Variants in HMCN1 observed in about 807,000 individuals in gnomAD.
HMCN1 encodes the protein hemicentin-1.
A neutral mutation model predicts 625.9 loss-of-function variants in HMCN1; 321 were observed. That is an observed-to-expected ratio of 0.51 (90% CI 0.47 to 0.56). The LOEUF (loss-of-function observed/expected upper bound fraction) is 0.56, where lower values mean the gene tolerates loss of function less well. Among genes scored for constraint, HMCN1 ranks in the 20% least tolerant of loss-of-function variants. The pLI is 0.00. For synonymous variants in HMCN1, 2,425 were observed against 2,417.6 expected (o/e 1.00, Z -0.09); for missense variants, 6,588 against 6,887.3 (o/e 0.96, Z 1.54).
intron 4 of HMCN1, among the ~76,000 whole-genome samples, chr1:185,877,553 C>T (rs1222001587): frequency 6.6e-6 from 1 of 151,370 alleles, no homozygotes; most frequent in African/African-American, 2.4e-5. Context: ...TTGCTCTGGG[C>T]ATTATGGGCA....
chr1:185,987,072 T>A (rs1652046846), intron 19 of HMCN1, among the ~76,000 whole-genome samples: 1 of 151,632 alleles, frequency 6.6e-6, no homozygotes, highest in Non-Finnish European at 1.5e-5. Flanking sequence ...TAAAGGACAG[T>A]GATTGGAGAC....
At chr1:185,761,440 T>C (rs923613972) in intron 1 of HMCN1, among the ~76,000 whole-genome samples, 1 of 152,172 alleles carries the variant, frequency 6.6e-6, no homozygotes, top group African/African-American at 2.4e-5. Context: ...TTTGTATGTG[T>C]CTACAGTCAA....
At chr1:185,955,952 A>C (rs966712638) in intron 11 of HMCN1, among the ~76,000 whole-genome samples, 19 of 152,072 alleles carry the variant, frequency 1.2e-4, no homozygotes, top group Non-Finnish European at 2.5e-4. Context: ...CCCTATCTAA[A>C]TTCTACCTAT....
intron 70 of HMCN1, 135 bp from the exon 71 acceptor site, chr1:186,108,326 T>C: frequency 7.2e-7 from 1 of 1,390,056 alleles, no homozygotes; most frequent in Non-Finnish European, 9.9e-7. Flanking sequence ...CCACTGTTTG[T>C]AATTATCTAG....
chr1:185,807,122 G>A (rs1659223916), intron 1 of HMCN1, among the ~76,000 whole-genome samples: 1 of 152,114 alleles, frequency 6.6e-6, no homozygotes, highest in African/African-American at 2.4e-5. Flanking sequence ...GCAGTTTTCT[G>A]TTAAATAAAT....
chr1:185,774,175 T>C (rs1656439286), intron 1 of HMCN1, among the ~76,000 whole-genome samples: 1 of 152,154 alleles, frequency 6.6e-6, no homozygotes, highest in Admixed American at 6.6e-5. Flanking sequence ...TTTGTTTTTT[T>C]AAAGCTTGGG....
intron 102 of HMCN1, among the ~76,000 whole-genome samples, chr1:186,174,277 T>C (rs1293601018): frequency 6.6e-6 from 1 of 152,084 alleles, no homozygotes; most frequent in Non-Finnish European, 1.5e-5. Flanking sequence ...AAAAAAGAAA[T>C]CTGTGAATAA....
At chr1:185,808,113 A>C (rs1571382805) in intron 1 of HMCN1, among the ~76,000 whole-genome samples, 1 of 152,164 alleles carries the variant, frequency 6.6e-6, no homozygotes, top group East Asian at 1.9e-4. Context: ...TGGGAGGCGA[A>C]GGTGGGTGTA....
chr1:185,966,767 G>A (rs1459128168), intron 14 of HMCN1, among the ~76,000 whole-genome samples: 2 of 152,140 alleles, frequency 1.3e-5, no homozygotes, highest in African/African-American at 4.8e-5. Context: ...CATTTCCATA[G>A]CAACAGGTTG....
chr1:186,178,746 C>G lies in HMCN1; in HGVS notation c.16274C>G (p.Ala5425Gly). The change falls in exon 104 of 107, where the codon GCA (alanine) becomes GGA (glycine). Residue 5425 changes from alanine to glycine, a missense_variant. This residue lies in a region of HMCN1 where 1,954 missense variants were observed against 2,013.1 expected (regional missense o/e 0.97). Transcript: ENST00000271588. ...AAAACTTGCCCTGAAGGCTCTGAGG[C>G]AAGCCATGACACATGTGTAGGTAAA... ...IRKTCPEGSE[A>G]SHDTCVDIDE... 6.2e-7 allele frequency: 1 copy of G among 1,609,730 alleles called. No individual in the cohort carries two copies. The highest frequency in any genetic ancestry group is 8.5e-7 in the Non-Finnish European group (1 of 1,176,006).
At chr1:185,953,583 G>A (rs1255927905) in intron 11 of HMCN1, among the ~76,000 whole-genome samples, 2 of 151,854 alleles carry the variant, frequency 1.3e-5, no homozygotes, top group Non-Finnish European at 2.9e-5. Context: ...AGGATAGGGA[G>A]GTTGGAGAAG....
chr1:186,175,056 G>C (rs1397508008), intron 103 of HMCN1, among the ~76,000 whole-genome samples: 1 of 151,892 alleles, frequency 6.6e-6, no homozygotes, highest in Non-Finnish European at 1.5e-5. Flanking sequence ...ATTAAAATAG[G>C]GACACACAAT....
chr1:186,050,939 G>A (rs984364063), intron 42 of HMCN1, among the ~76,000 whole-genome samples: 1 of 152,004 alleles, frequency 6.6e-6, no homozygotes, highest in Non-Finnish European at 1.5e-5. Context: ...TATCATAGGT[G>A]GTTATGTAGA....
chr1:185,765,727 G>T (rs1308690150), intron 1 of HMCN1, among the ~76,000 whole-genome samples: 6 of 152,148 alleles, frequency 3.9e-5, no homozygotes, highest in Non-Finnish European at 5.9e-5. Flanking sequence ...GTTCTCAAAA[G>T]GTGGTCCCTG....
intron 36 of HMCN1, among the ~76,000 whole-genome samples, chr1:186,029,579 C>T (rs753077073): frequency 6.6e-6 from 1 of 151,438 alleles, no homozygotes; most frequent in Non-Finnish European, 1.5e-5. Flanking sequence ...GTAATGACCC[C>T]TCTTTCATTT....
In HMCN1 at chr1:186,013,525, A is replaced by G. The variant is rs1654134134; in HGVS notation, c.4631-1634A>G. 2.0e-5 allele frequency among the ~76,000 whole-genome samples: 3 copies of G among 152,168 alleles called. No homozygotes were observed. The South Asian group carries it at 6.2e-4, about 31-fold the overall frequency. On this transcript the variant is annotated intron_variant, in intron 30 of 106. Coordinates refer to ENST00000271588, the MANE Select transcript of HMCN1 (RefSeq NM_031935.3). The stretch of plus-strand genomic sequence containing the variant: ...CTAAGAATGATTACCAGAAAATATT[A>G]AGGTACACCACTCAGCATCCAGATC...
Position 186,114,011 on chromosome 1 carries a change from C to G in HMCN1, c.11164C>G (p.Leu3722Val), listed in dbSNP as rs745899579. 1 of 1,614,130 alleles carries G rather than the reference C, an allele frequency of 6.2e-7. No individual in the cohort carries two copies. The highest frequency in any genetic ancestry group is 2.2e-5 in the East Asian group (1 of 44,858). ...PPNIKGGPQS[L>V]VILLNKSTVL... The stretch of plus-strand genomic sequence containing the variant: ...AAACATAAAGGGGGGCCCCCAGAGC[C>G]TTGTAATTCTTTTAAATAAGTCAAC... The change falls in exon 73 of 107, where the codon CTT becomes GTT. Residue 3722 changes from leucine to valine, a missense_variant. Coordinates refer to ENST00000271588, the MANE Select transcript of HMCN1 (RefSeq NM_031935.3).
chr1:186,052,634 G>A (rs1049622733), intron 42 of HMCN1, among the ~76,000 whole-genome samples: 3 of 151,978 alleles, frequency 2.0e-5, no homozygotes, highest in African/African-American at 4.8e-5. Context: ...TTGATGCAAG[G>A]TGTCTAAATA....
At chr1:185,809,524 AATTAAT>A (rs1376663331) in intron 1 of HMCN1, among the ~76,000 whole-genome samples, 2 of 151,644 alleles carry the variant, frequency 1.3e-5, no homozygotes, top group Non-Finnish European at 2.9e-5. Context: ...ATATATATAT[AATTAAT>A]ATTTCTGAAA....
Sources: gnomAD v4.1 joint callset for allele counts (sites outside exome capture counted in the v4.1 genomes callset) on GRCh38, gnomAD v4.1.1 for gene constraint, gnomAD v4.1.1 regional missense constraint, MANE v1.5 for transcripts, NCBI Gene and HGNC (gene_info 2026-07-23, HGNC 2026-07-21) for gene names.